The following PLEKHG1 variants were observed in gnomAD, a reference collection of about 807,000 sequenced individuals.
The protein encoded by PLEKHG1 is pleckstrin homology domain-containing family G member 1.
PLEKHG1 carries 44 observed loss-of-function variants against 100.8 expected under a neutral mutation model. That is an observed-to-expected ratio of 0.44 (90% confidence interval 0.34 to 0.56). The LOEUF is 0.56. Among genes scored for constraint, PLEKHG1 ranks in the 20% least tolerant of loss-of-function variants. The pLI is 0.01. For synonymous variants in PLEKHG1, 640 were observed against 662.5 expected (o/e 0.97, Z 0.52); for missense variants, 1,545 against 1,720.9 (o/e 0.90, Z 1.81).
At chr6:150,823,179 C>T (rs1024212113) in intron 13 of PLEKHG1, among the ~76,000 whole-genome samples, 13 of 152,128 alleles carry the variant, frequency 8.5e-5, no homozygotes, top group African/African-American at 3.1e-4. Flanking sequence ...AGGGTGTCTT[C>T]TCTAAGGATG....
chr6:150,619,138 A>G (rs972635971), intron 1 of PLEKHG1, among the ~76,000 whole-genome samples: 2 of 151,130 alleles, frequency 1.3e-5, no homozygotes, highest in Non-Finnish European at 2.9e-5. Context: ...ATCCTGGACA[A>G]TTTGACTCAA....
intron 1 of PLEKHG1, among the ~76,000 whole-genome samples, chr6:150,635,473 C>T (rs1177819602): frequency 6.6e-6 from 1 of 152,154 alleles, no homozygotes; most frequent in Non-Finnish European, 1.5e-5. Flanking sequence ...AATTGGGAAA[C>T]AAGCATCTAC....
intron 10 of PLEKHG1, among the ~76,000 whole-genome samples, chr6:150,812,117 G>A (rs1787566021): frequency 6.6e-6 from 1 of 152,180 alleles, no homozygotes; most frequent in African/African-American, 2.4e-5. Flanking sequence ...CAGGCAGGGA[G>A]AGGAACCTGT....
chr6:150,735,833 T>C (rs1269298180), intron 2 of PLEKHG1, among the ~76,000 whole-genome samples: 2 of 152,226 alleles, frequency 1.3e-5, no homozygotes, highest in East Asian at 3.8e-4. Context: ...TGAACTAGTA[T>C]TCCATTAACA....
At chr6:150,629,463 C>T (rs1392742063) in intron 1 of PLEKHG1, among the ~76,000 whole-genome samples, 1 of 151,332 alleles carries the variant, frequency 6.6e-6, no homozygotes. Context: ...AACAGAAAAC[C>T]ATCCTTTTTT....
In PLEKHG1 at chr6:150,633,375, C is replaced by T. The variant is rs140413636; in HGVS notation, c.-203-4705C>T. 7.1e-3 allele frequency: 1,092 copies of T among 153,342 alleles called. 14 individuals carry two copies. Among genetic ancestry groups the T allele is most frequent in the African/African-American group, 0.025 (1,033 of 41,564 alleles). 9.5% of individuals were successfully genotyped at this position (153,342 alleles called of 1,614,324 possible). A position where few individuals can be genotyped will look rare whatever the true frequency, so the allele number is the denominator to read the frequency against. ...ACCCCAGTCCAGGGCAGCAGGGAAG[C>T]GGGAGTCTGGGCAGAGCTGATTCCA... is the stretch of plus-strand genomic sequence containing the variant. On this transcript the variant is annotated intron_variant, in intron 1 of 3. Transcript: ENST00000367326.
At chr6:150,762,372 T>C (rs933070395) in intron 2 of PLEKHG1, among the ~76,000 whole-genome samples, 1 of 150,008 alleles carries the variant, frequency 6.7e-6, no homozygotes, top group Non-Finnish European at 1.5e-5. Context: ...TTTTTTTTTG[T>C]ATTTTTAGTA....
At chr6:150,771,901 G>A (rs767784367) in intron 3 of PLEKHG1, among the ~76,000 whole-genome samples, 24 of 152,150 alleles carry the variant, frequency 1.6e-4, no homozygotes, top group Admixed American at 2.6e-4. Context: ...ACCACAGAAA[G>A]ACATTCTGTC....
intron 3 of PLEKHG1, among the ~76,000 whole-genome samples, chr6:150,689,386 C>T (rs1280213054): frequency 6.6e-6 from 1 of 152,110 alleles, no homozygotes; most frequent in African/African-American, 2.4e-5. Flanking sequence ...TGTGAAGAGA[C>T]TCTTAGGAAG....
intron 3 of PLEKHG1, among the ~76,000 whole-genome samples, chr6:150,669,230 A>G (rs939762148): frequency 1.2e-4 from 18 of 152,180 alleles, no homozygotes. Context: ...TTGAAGACAC[A>G]TCACTGTAGA....
At chr6:150,676,130 T>TA (rs1335410076) in intron 3 of PLEKHG1, among the ~76,000 whole-genome samples, 3 of 152,228 alleles carry the variant, frequency 2.0e-5, no homozygotes, top group Non-Finnish European at 4.4e-5. Context: ...AAGATGCACA[T>TA]ATTTATTGAT....
chr6:150,628,605 C>T lies in PLEKHG1; in HGVS notation c.-203-9475C>T, dbSNP rs187940416. Among the ~76,000 whole-genome samples the T allele has an allele frequency of 6.8e-4, 99 of 145,934 alleles. 3 individuals are homozygous for T. Among genetic ancestry groups the T allele is most frequent in the African/African-American group, 2.4e-3 (96 of 39,728 alleles). ...CGTCCTTGCCCTCCTGCACTGAACC[C>T]TCTATATCTGGATTAAGTATTAACT... On this transcript the variant is annotated intron_variant, in intron 1 of 3. Transcript: ENST00000367326.
chr6:150,619,995 TG>T (rs761469272), intron 1 of PLEKHG1, among the ~76,000 whole-genome samples: 3 of 152,248 alleles, frequency 2.0e-5, no homozygotes, highest in Non-Finnish European at 4.4e-5. Context: ...CACACGTTTT[TG>T]TTATCTCATT....
At chr6:150,838,118 G>T (rs1361296077) in intron 15 of PLEKHG1, among the ~76,000 whole-genome samples, 1 of 152,146 alleles carries the variant, frequency 6.6e-6, no homozygotes, top group African/African-American at 2.4e-5. Context: ...TCACCTAAAT[G>T]AGTATTTATT....
chr6:150,759,461 T>G (rs1784037488), intron 2 of PLEKHG1, among the ~76,000 whole-genome samples: 1 of 152,128 alleles, frequency 6.6e-6, no homozygotes, highest in Non-Finnish European at 1.5e-5. Context: ...AAATATACTG[T>G]GTTAAGGTAT....
intron 3 of PLEKHG1, among the ~76,000 whole-genome samples, chr6:150,685,272 T>C (rs1169864711): frequency 6.6e-6 from 1 of 152,010 alleles, no homozygotes; most frequent in Non-Finnish European, 1.5e-5. Context: ...TCAGCCTGTT[T>C]TATTGACTCT....
chr6:150,727,175 C>T (rs1234208358), intron 1 of PLEKHG1, among the ~76,000 whole-genome samples: 1 of 152,176 alleles, frequency 6.6e-6, no homozygotes, highest in Non-Finnish European at 1.5e-5. Context: ...GGAACTCAGA[C>T]TAGGTATTTG....
intron 1 of PLEKHG1, among the ~76,000 whole-genome samples, chr6:150,726,197 A>G (rs561393629): frequency 2.3e-4 from 35 of 152,228 alleles, no homozygotes; most frequent in Admixed American, 5.2e-4. Context: ...TCTGCACAGC[A>G]TAGTGCCTAT....
chr6:150,648,117 TTTTAA>T (rs1207377132), intron 2 of PLEKHG1, among the ~76,000 whole-genome samples: 9 of 152,168 alleles, frequency 5.9e-5, no homozygotes, highest in African/African-American at 1.9e-4. Flanking sequence ...ACTGTCTTCA[TTTTAA>T]TTTGTTTGTG....
Sources: gnomAD v4.1 joint callset for allele counts (sites outside exome capture counted in the v4.1 genomes callset) on GRCh38, gnomAD v4.1.1 for gene constraint, MANE v1.5 for transcripts, NCBI Gene and HGNC (gene_info 2026-07-23, HGNC 2026-07-21) for gene names.